The following SNTB1 variants were observed in gnomAD, a reference collection of about 807,000 sequenced individuals.
SNTB1 encodes syntrophin beta 1.
Under a neutral mutation model 48.9 loss-of-function variants are expected in SNTB1, and 36 were observed. That is an observed-to-expected ratio of 0.74 (90% CI 0.56 to 0.97). The LOEUF (loss-of-function observed/expected upper bound fraction) is 0.97. Ranked by LOEUF, SNTB1 falls within the 50% of genes least tolerant of loss-of-function variation. SNTB1 has a pLI of 0.00. For missense variants in SNTB1, 786 were observed against 703.4 expected (o/e 1.12, Z -1.33); for synonymous variants, 299 against 294.6 (o/e 1.01, Z -0.15).
intron 1 of SNTB1, among the ~76,000 whole-genome samples, chr8:120,728,444 G>A (rs1293643726): frequency 6.6e-6 from 1 of 152,158 alleles, no homozygotes; most frequent in Non-Finnish European, 1.5e-5. Flanking sequence ...CCCAGGTACT[G>A]AGCATAGTAC....
intron 3 of SNTB1, among the ~76,000 whole-genome samples, chr8:120,629,505 G>A (rs1563835659): frequency 6.6e-6 from 1 of 152,092 alleles, no homozygotes; most frequent in Non-Finnish European, 1.5e-5. Context: ...GATATATACA[G>A]GGTCACATTT....
At chr8:120,761,531 C>T (rs774681599) in intron 1 of SNTB1, among the ~76,000 whole-genome samples, 13 of 152,188 alleles carry the variant, frequency 8.5e-5, no homozygotes, top group Non-Finnish European at 1.8e-4. Flanking sequence ...GGTCTGTAGA[C>T]ATACATACCT....
intron 1 of SNTB1, among the ~76,000 whole-genome samples, chr8:120,748,988 C>T (rs75915544): frequency 0.077 from 11,653 of 152,194 alleles, 451 homozygotes; most frequent in Admixed American, 0.1. Flanking sequence ...ATACAGGCAA[C>T]GGGTAGTATG....
chr8:120,807,678 C>A (rs1224373563), intron 1 of SNTB1, among the ~76,000 whole-genome samples: 2 of 152,162 alleles, frequency 1.3e-5, no homozygotes. Flanking sequence ...CTCCTCCTTC[C>A]CGTCCCTCCC....
At chr8:120,657,354 C>A (rs1453584521) in intron 2 of SNTB1, among the ~76,000 whole-genome samples, 1 of 152,134 alleles carries the variant, frequency 6.6e-6, no homozygotes, top group Non-Finnish European at 1.5e-5. Context: ...AATCACTAAC[C>A]TAGGATGAGA....
chr8:120,731,661 G>C (rs1258505732), intron 1 of SNTB1, among the ~76,000 whole-genome samples: 1 of 152,144 alleles, frequency 6.6e-6, no homozygotes, highest in African/African-American at 2.4e-5. Context: ...TACATGGCAG[G>C]GGCAGAAAAC....
intron 1 of SNTB1, among the ~76,000 whole-genome samples, chr8:120,729,584 T>C (rs1338089918): frequency 6.6e-6 from 1 of 152,248 alleles, no homozygotes; most frequent in Non-Finnish European, 1.5e-5. Flanking sequence ...CTCTACTCCA[T>C]GCATGCATTG....
chr8:120,636,314 C>G (rs1368570033), intron 2 of SNTB1, among the ~76,000 whole-genome samples: 1 of 148,220 alleles, frequency 6.7e-6, no homozygotes, highest in Non-Finnish European at 1.5e-5. Flanking sequence ...CATATGTATA[C>G]ATGTGCCATG....
chr8:120,684,218 T>A (rs1817988401), intron 2 of SNTB1, among the ~76,000 whole-genome samples: 2 of 152,168 alleles, frequency 1.3e-5, no homozygotes, highest in African/African-American at 4.8e-5. Flanking sequence ...GACCTAATCA[T>A]CTTCCACAGG....
At chr8:120,733,381 A>T (rs1486427185) in intron 1 of SNTB1, among the ~76,000 whole-genome samples, 1 of 152,248 alleles carries the variant, frequency 6.6e-6, no homozygotes, top group African/African-American at 2.4e-5. Context: ...ATTTTCCTCC[A>T]TACAACATTG....
Position 120,811,367 on chromosome 8 carries a change from G to A in SNTB1, c.477C>T (p.Ala159=), listed in dbSNP as rs1392649640. 9.3e-6 allele frequency: 15 copies of A among 1,613,668 alleles called. No homozygotes were observed. The highest frequency in any genetic ancestry group is 1.2e-5 in the Non-Finnish European group (14 of 1,179,930). Residue 159 remains alanine (A), a synonymous_variant, in exon 1 of 7, where the codon GCC becomes GCT. Transcript: ENST00000517992. The part of the protein sequence containing the change: ...DQTQALYVGD[A]ILSVNGADLR... ...GGTCGGCTCCGTTCACGGACAGGAT[G>A]GCGTCGCCCACGTACAGGGCTTGGG...
intron 4 of SNTB1, among the ~76,000 whole-genome samples, chr8:120,564,332 G>A (rs1356997306): frequency 2.0e-5 from 3 of 151,884 alleles, no homozygotes; most frequent in East Asian, 3.9e-4. Context: ...CTCCATGCAC[G>A]CAGAAAGTAC....
In SNTB1 at chr8:120,789,825, C is replaced by G. The variant is rs145550353; in HGVS notation, c.571+21448G>C. 9.3e-4 allele frequency among the ~76,000 whole-genome samples: 142 copies of G among 152,048 alleles called. No homozygotes were observed. The East Asian group carries it at 0.02, about 21-fold the overall frequency. Reference sequence around the variant, plus strand: ...CCAGACATTCAAAGGAGAATTGGTACCAATTATAATGAAACTATTCCAAAG... The same window carrying G: ...CCAGACATTCAAAGGAGAATTGGTAGCAATTATAATGAAACTATTCCAAAG... On this transcript the variant is annotated intron_variant, in intron 1 of 6. Coordinates refer to ENST00000517992, the MANE Select transcript of SNTB1 (RefSeq NM_021021.4).
intron 1 of SNTB1, among the ~76,000 whole-genome samples, chr8:120,718,443 C>T (rs974205625): frequency 1.1e-4 from 17 of 152,256 alleles, no homozygotes; most frequent in African/African-American, 4.1e-4. Context: ...CACTTCTCCC[C>T]CTGGTCTCCT....
chr8:120,575,062 TACCAA>T lies in SNTB1; in HGVS notation c.1136+19_1136+23del. The T allele has an allele frequency of 6.2e-7, 1 of 1,614,112 alleles. No homozygotes were observed. Among genetic ancestry groups the T allele is most frequent in the South Asian group, 1.1e-5 (1 of 91,072 alleles). ...ATAGAATCCACCTGCAAACACATCA[TACCAA>T]ACACAAGGCCATGGCTACCTGGTGG... On this transcript the variant is annotated intron_variant, in intron 4 of 6. Coordinates refer to ENST00000517992, the MANE Select transcript of SNTB1 (RefSeq NM_021021.4).
chr8:120,622,607 T>C lies in SNTB1; in HGVS notation c.996+9837A>G, dbSNP rs150896817. ...TGTGAGGGACAAGGGAGCAAGTAAA[T>C]GCCAATGTGAGTTATCAGAATGTGA... On this transcript the variant is annotated intron_variant, in intron 3 of 6. Coordinates refer to ENST00000517992, the MANE Select transcript of SNTB1 (RefSeq NM_021021.4). Among the ~76,000 whole-genome samples, 17 of 152,188 alleles carry C rather than the reference T, an allele frequency of 1.1e-4. No homozygotes were observed. In the East Asian group the frequency reaches 3.3e-3, roughly 29 times the overall value.
chr8:120,614,872 C>T (rs1029512643), intron 3 of SNTB1, among the ~76,000 whole-genome samples: 2 of 147,772 alleles, frequency 1.4e-5, no homozygotes, highest in South Asian at 2.1e-4. Flanking sequence ...TAATTGCTCA[C>T]GTTTATTAAG....
At chr8:120,769,406 T>C (rs2130092953) in intron 1 of SNTB1, 1 of 152,334 alleles carries the variant, frequency 6.6e-6, no homozygotes, top group Non-Finnish European at 1.5e-5. Flanking sequence ...TCCTCTTCTT[T>C]AATCTGGAGG....
chr8:120,630,916 A>C (rs1816968990), intron 3 of SNTB1, among the ~76,000 whole-genome samples: 1 of 152,226 alleles, frequency 6.6e-6, no homozygotes, highest in Non-Finnish European at 1.5e-5. Flanking sequence ...CAGGCCAACT[A>C]GAGAGGAAGC....
Sources: allele counts gnomAD v4.1 joint callset (sites outside exome capture counted in the v4.1 genomes callset), GRCh38; gene constraint gnomAD v4.1.1; transcripts MANE v1.5; gene names NCBI Gene and HGNC (gene_info 2026-07-23, HGNC 2026-07-21).